The following SGCZ variants were observed in gnomAD, a reference collection of about 807,000 sequenced individuals.
SGCZ encodes zeta-sarcoglycan.
A neutral mutation model predicts 41.3 loss-of-function variants in SGCZ; 40 were observed. The observed-to-expected ratio is 0.97, with a 90% CI of 0.75 to 1.26. SGCZ has a LOEUF of 1.26. Among genes scored for constraint, SGCZ ranks in the 50% most tolerant of loss-of-function variants. SGCZ has a pLI of 0.00. For synonymous variants in SGCZ, 206 were observed against 137.5 expected (o/e 1.50, Z -3.49); for missense variants, 552 against 369.8 (o/e 1.49, Z -4.04).
chr8:14,262,506 A>G (rs1370357995), intron 3 of SGCZ, among the ~76,000 whole-genome samples: 2 of 152,170 alleles, frequency 1.3e-5, no homozygotes, highest in Middle Eastern at 3.4e-3. Flanking sequence ...TAGCCATAGT[A>G]TTTCAAAGCA....
intron 2 of SGCZ, among the ~76,000 whole-genome samples, chr8:14,438,021 TA>T (rs1377089246): frequency 6.6e-6 from 1 of 151,972 alleles, no homozygotes; most frequent in Non-Finnish European, 1.5e-5. Context: ...TTAGAATCAT[TA>T]AGCCATAAAC....
At chr8:14,261,178 C>G (rs976036878) in intron 3 of SGCZ, among the ~76,000 whole-genome samples, 8 of 152,084 alleles carry the variant, frequency 5.3e-5, no homozygotes, top group Admixed American at 2.6e-4. Context: ...GATATCTTGC[C>G]CAAGTAAAAC....
chr8:15,024,455 A>C (rs989822299), intron 1 of SGCZ, among the ~76,000 whole-genome samples: 3 of 152,178 alleles, frequency 2.0e-5, no homozygotes, highest in African/African-American at 7.2e-5. Context: ...GAATAAGACC[A>C]ATAAAATCCA....
At chr8:15,088,388 T>A (rs1384358640) in intron 1 of SGCZ, among the ~76,000 whole-genome samples, 1 of 152,170 alleles carries the variant, frequency 6.6e-6, no homozygotes, top group Non-Finnish European at 1.5e-5. Context: ...CTCAAAGGTA[T>A]TGTATTTTAA....
At chr8:14,332,343 G>A (rs909207015) in intron 2 of SGCZ, among the ~76,000 whole-genome samples, 1 of 151,974 alleles carries the variant, frequency 6.6e-6, no homozygotes, top group Non-Finnish European at 1.5e-5. Context: ...CAGGAGGTTG[G>A]GGCAGGAGAA....
intron 1 of SGCZ, among the ~76,000 whole-genome samples, chr8:14,896,312 C>T (rs1805196705): frequency 6.6e-6 from 1 of 152,092 alleles, no homozygotes; most frequent in African/African-American, 2.4e-5. Flanking sequence ...GTGCAAGATC[C>T]TCTCTCTTAC....
At chr8:14,618,493 A>G (rs1217796473) in intron 1 of SGCZ, among the ~76,000 whole-genome samples, 4 of 152,206 alleles carry the variant, frequency 2.6e-5, no homozygotes, top group Non-Finnish European at 5.9e-5. Context: ...AAAGATGACC[A>G]GATTGATTGT....
rs938644596 is a variant in SGCZ at position 15,011,718 on chromosome 8, A to G, written c.39+225867T>C. Among the ~76,000 whole-genome samples the G allele has an allele frequency of 5.9e-5, 9 of 152,212 alleles. No homozygotes were observed. In the East Asian group the frequency reaches 1.7e-3, roughly 29 times the overall value. On this transcript the variant is annotated intron_variant, in intron 1 of 7. Coordinates refer to ENST00000382080, the MANE Select transcript of SGCZ (RefSeq NM_139167.4). ...CAATCTGTATGTTCTGTACTCTGCTAAAAGAAAAATCATGTCTGCTTAAAA... is the reference window on the plus strand; with the variant it reads ...CAATCTGTATGTTCTGTACTCTGCTGAAAGAAAAATCATGTCTGCTTAAAA...
At chr8:14,674,692 G>A (rs959499301) in intron 1 of SGCZ, among the ~76,000 whole-genome samples, 3 of 151,968 alleles carry the variant, frequency 2.0e-5, no homozygotes, top group East Asian at 1.9e-4. Context: ...TCTCATAAAC[G>A]GTTTAGCTCC....
intron 2 of SGCZ, among the ~76,000 whole-genome samples, chr8:14,500,817 G>A (rs1158140931): frequency 6.6e-6 from 1 of 151,992 alleles, no homozygotes; most frequent in Non-Finnish European, 1.5e-5. Context: ...CAACAAGTTA[G>A]TGGAGTTTTT....
intron 4 of SGCZ, among the ~76,000 whole-genome samples, chr8:14,175,994 G>A (rs986788341): frequency 2.6e-5 from 4 of 152,016 alleles, no homozygotes; most frequent in East Asian, 1.9e-4. Context: ...TAGAATCACC[G>A]TGAATCTATT....
chr8:14,772,632 T>C (rs1283594266), intron 1 of SGCZ, among the ~76,000 whole-genome samples: 34 of 136,038 alleles, frequency 2.5e-4, no homozygotes, highest in African/African-American at 8.0e-4. Flanking sequence ...CCTGGGTCCA[T>C]GTGTTCTCAC....
chr8:14,312,575 C>A (rs1475896125), intron 3 of SGCZ, among the ~76,000 whole-genome samples: 1 of 152,040 alleles, frequency 6.6e-6, no homozygotes, highest in Non-Finnish European at 1.5e-5. Context: ...GCGATAATCA[C>A]ACCTGTGAAT....
intron 1 of SGCZ, among the ~76,000 whole-genome samples, chr8:14,778,632 G>C (rs1800486605): frequency 6.6e-6 from 1 of 152,040 alleles, no homozygotes; most frequent in African/African-American, 2.4e-5. Flanking sequence ...AAATCAATAA[G>C]GAAATGACAA....
intron 1 of SGCZ, among the ~76,000 whole-genome samples, chr8:15,031,735 A>G (rs373052326): frequency 6.6e-6 from 1 of 152,288 alleles, no homozygotes; most frequent in East Asian, 1.9e-4. Context: ...TATCAGTAAT[A>G]CCCTAAAGAG....
chr8:15,150,229 A>C (rs1799140423), intron 1 of SGCZ, among the ~76,000 whole-genome samples: 1 of 124,458 alleles, frequency 8.0e-6, no homozygotes, highest in African/African-American at 2.5e-5. Context: ...AAATAAACAT[A>C]CCAATATGTT....
intron 1 of SGCZ, among the ~76,000 whole-genome samples, chr8:14,940,822 A>C (rs1246244810): frequency 6.6e-6 from 1 of 152,070 alleles, no homozygotes; most frequent in Admixed American, 6.6e-5. Context: ...GAAACCACAG[A>C]AAGGGGGAGA....
chr8:14,864,575 A>G (rs10112508), intron 1 of SGCZ, among the ~76,000 whole-genome samples: 1,893 of 152,278 alleles, frequency 0.012, 46 homozygotes, highest in African/African-American at 0.041. Context: ...TCAATTAATA[A>G]TAAGATTTAG....
At chr8:14,533,305 AT>A (rs34265295) in intron 2 of SGCZ, among the ~76,000 whole-genome samples, 1 of 151,886 alleles carries the variant, frequency 6.6e-6, no homozygotes, top group Non-Finnish European at 1.5e-5. Flanking sequence ...AAATTTAAGA[AT>A]TTTTTACATT....
Sources: allele counts gnomAD v4.1 joint callset (sites outside exome capture counted in the v4.1 genomes callset), GRCh38; gene constraint gnomAD v4.1.1; transcripts MANE v1.5; gene names NCBI Gene and HGNC (gene_info 2026-07-23, HGNC 2026-07-21).